TRPC4AP: variants seen among roughly 807,000 people sequenced by gnomAD.
TRPC4AP encodes the protein short transient receptor potential channel 4-associated protein.
Under a neutral mutation model 99.0 loss-of-function variants are expected in TRPC4AP, and 45 were observed. That is an observed-to-expected ratio of 0.45 (90% confidence interval 0.36 to 0.58). TRPC4AP has a LOEUF of 0.58. Among genes scored for constraint, TRPC4AP ranks in the 20% least tolerant of loss-of-function variants. The probability of loss-of-function intolerance (pLI) is 0.00; values close to 1 mark genes in which losing one functional copy is unlikely to be tolerated. For missense variants in TRPC4AP, 879 were observed against 985.3 expected, an observed-to-expected ratio of 0.89 and a Z score of 1.44; for synonymous variants, 408 against 385.8, an observed-to-expected ratio of 1.06 and a Z score of -0.67.
At chr20:35,079,565 A>G (rs1045663572) in intron 1 of TRPC4AP, among the ~76,000 whole-genome samples, 1 of 152,190 alleles carries the variant, frequency 6.6e-6, no homozygotes, top group Non-Finnish European at 1.5e-5. Context: ...AAAACAAAAA[A>G]TCAAGAGAGA....
chr20:35,084,512 G>C (rs573481292), intron 1 of TRPC4AP, among the ~76,000 whole-genome samples: 1 of 145,866 alleles, frequency 6.9e-6, no homozygotes, highest in African/African-American at 2.6e-5. Flanking sequence ...ATGTATATAC[G>C]TATATATGTG....
At chr20:35,007,041 A>C (rs1335665950) in intron 14 of TRPC4AP, among the ~76,000 whole-genome samples, 1 of 152,244 alleles carries the variant, frequency 6.6e-6, no homozygotes, top group African/African-American at 2.4e-5. Context: ...ACACCAAAAT[A>C]CTGAGTTTTC....
In TRPC4AP at chr20:35,024,842, A is replaced by AC. The variant is rs1319169900; in HGVS notation, c.1052-3487_1052-3486insG. ...GACCGTCTCAAAAAAAAAAAAAAAAAAAAAAAAAAAAAATTCTGTTTATTC... is the reference window on the plus strand; with the variant it reads ...GACCGTCTCAAAAAAAAAAAAAAAAACAAAAAAAAAAAAATTCTGTTTATTC... On this transcript the variant is annotated intron_variant, in intron 8 of 18. Coordinates refer to ENST00000252015, the MANE Select transcript of TRPC4AP (RefSeq NM_015638.3). Among the ~76,000 whole-genome samples the AC allele has an allele frequency of 6.0e-3, 731 of 121,260 alleles. 52 individuals are homozygous for AC. The highest frequency in any genetic ancestry group is 0.018 in the African/African-American group (617 of 34,312). The allele number at this position is 121,260 out of a possible 152,430, so 79.6% of individuals were successfully genotyped here. A position where few individuals can be genotyped will look rare whatever the true frequency, so the allele number is the denominator to read the frequency against.
Position 35,002,947 on chromosome 20 carries a change from A to G in TRPC4AP, c.*199T>C. The G allele has an allele frequency of 1.5e-6, 1 of 650,486 alleles. No homozygotes were observed. Among genetic ancestry groups the G allele is most frequent in the Non-Finnish European group, 2.6e-6 (1 of 390,100 alleles). The allele number at this position is 650,486 out of a possible 1,614,324, so 40.3% of individuals were successfully genotyped here. ...ATGGTACCCTGTCCTCATTATGGGG[A>G]CTGAGGCTCTCCATGACCTAGGGCC... On this transcript the variant is annotated 3_prime_UTR_variant, in exon 19 of 19. Transcript: ENST00000252015.
chr20:35,046,297 T>C (rs979256064), intron 6 of TRPC4AP, among the ~76,000 whole-genome samples: 1 of 152,198 alleles, frequency 6.6e-6, no homozygotes, highest in Non-Finnish European at 1.5e-5. Context: ...GGTTCTATTC[T>C]CACTCATTAC....
At chr20:35,089,245 G>T (rs1600679471) in intron 1 of TRPC4AP, among the ~76,000 whole-genome samples, 1 of 151,960 alleles carries the variant, frequency 6.6e-6, no homozygotes, top group Non-Finnish European at 1.5e-5. Context: ...TATATAGTTT[G>T]AGGCAGGGTC....
intron 8 of TRPC4AP, among the ~76,000 whole-genome samples, chr20:35,022,922 G>A (rs2082928967): frequency 6.6e-6 from 1 of 151,934 alleles, no homozygotes; most frequent in Non-Finnish European, 1.5e-5. Flanking sequence ...ACTCAAGAGG[G>A]AGAGGTGGAA....
intron 3 of TRPC4AP, among the ~76,000 whole-genome samples, chr20:35,067,488 C>A (rs1211661407): frequency 6.6e-6 from 1 of 152,164 alleles, no homozygotes; most frequent in Non-Finnish European, 1.5e-5. Context: ...AGAGTTACCC[C>A]ATATGACCCA....
chr20:35,019,623 T>C (rs6088676), intron 9 of TRPC4AP, among the ~76,000 whole-genome samples: 89,129 of 152,064 alleles, frequency 0.59, 27,127 homozygotes, highest in Middle Eastern at 0.74. Context: ...TAGCACTCAA[T>C]GCACAGAAGC....
chr20:35,075,926 G>A (rs1459582245), intron 2 of TRPC4AP, among the ~76,000 whole-genome samples: 1 of 152,116 alleles, frequency 6.6e-6, no homozygotes, highest in Non-Finnish European at 1.5e-5. Flanking sequence ...TTTTCACACA[G>A]TCCCATATTT....
intron 3 of TRPC4AP, among the ~76,000 whole-genome samples, chr20:35,066,949 T>C (rs1160085270): frequency 1.3e-5 from 2 of 152,026 alleles, no homozygotes; most frequent in African/African-American, 4.8e-5. Flanking sequence ...AGAAAAAATA[T>C]CCAATCTCAG....
chr20:35,071,815 G>A (rs1325497526), intron 2 of TRPC4AP, among the ~76,000 whole-genome samples: 1 of 152,196 alleles, frequency 6.6e-6, no homozygotes, highest in Non-Finnish European at 1.5e-5. Context: ...TGGGATGGCT[G>A]GGTCAAATGG....
intron 9 of TRPC4AP, among the ~76,000 whole-genome samples, chr20:35,017,752 A>G (rs2082787768): frequency 6.6e-6 from 1 of 152,190 alleles, no homozygotes; most frequent in Non-Finnish European, 1.5e-5. Context: ...CTCCATTTCC[A>G]TGGACCTCTT....
At chr20:35,005,368 GC>G (rs1283566799) in intron 16 of TRPC4AP, among the ~76,000 whole-genome samples, 1 of 152,230 alleles carries the variant, frequency 6.6e-6, no homozygotes, top group Non-Finnish European at 1.5e-5. Flanking sequence ...TCAGATGCCT[GC>G]TGCACCACAG....
chr20:35,016,010 G>T lies in TRPC4AP; in HGVS notation c.1348C>A (p.Pro450Thr). Residue 450 changes from proline to threonine, a missense_variant and splice_region_variant, in exon 10 of 19, where the codon CCG becomes ACG. Pro to Thr is a conservative substitution (Grantham distance 38, BLOSUM62 -1). Coordinates refer to ENST00000252015, the MANE Select transcript of TRPC4AP (RefSeq NM_015638.3). ...HGHNQNCDCSPDITLKIQFLR... is the reference protein window; with the variant it reads ...HGHNQNCDCSTDITLKIQFLR... The stretch of plus-strand genomic sequence containing the variant: ...GTCCCCGGGGGTCTCCTGCTTACCG[G>T]GCTACAGTCACAGTTCTGGTTGTGA... 3 of 1,614,108 alleles carry T rather than the reference G, an allele frequency of 1.9e-6. No homozygotes were observed. Among genetic ancestry groups the T allele is most frequent in the Non-Finnish European group, 2.5e-6 (3 of 1,180,002 alleles).
At chr20:35,008,785 G>A in intron 12 of TRPC4AP, 38 bp from the exon 13 acceptor site, 2 of 1,578,196 alleles carry the variant, frequency 1.3e-6, no homozygotes, top group Non-Finnish European at 1.7e-6. Context: ...AGATCTGAGA[G>A]GCTGACAGGG....
chr20:35,004,253 G>A (rs2082466628), intron 17 of TRPC4AP, among the ~76,000 whole-genome samples: 2 of 152,230 alleles, frequency 1.3e-5, no homozygotes, highest in African/African-American at 4.8e-5. Flanking sequence ...AAGTCAGCCT[G>A]TGACCTGAGG....
At chr20:35,089,209 T>C (rs2084970423) in intron 1 of TRPC4AP, among the ~76,000 whole-genome samples, 1 of 151,852 alleles carries the variant, frequency 6.6e-6, no homozygotes, top group South Asian at 2.1e-4. Flanking sequence ...GTAAATTTTA[T>C]GTTTACATAT....
At chr20:35,024,229 G>C (rs897815523) in intron 8 of TRPC4AP, among the ~76,000 whole-genome samples, 8 of 151,718 alleles carry the variant, frequency 5.3e-5, no homozygotes, top group African/African-American at 1.7e-4. Flanking sequence ...CATTCATAGA[G>C]TTGTGCAGCC....
Sources: allele counts gnomAD v4.1 joint callset (sites outside exome capture counted in the v4.1 genomes callset), GRCh38; gene constraint gnomAD v4.1.1; transcripts MANE v1.5; gene names NCBI Gene and HGNC (gene_info 2026-07-23, HGNC 2026-07-21).